Variants in SFXN5 observed in about 807,000 individuals in gnomAD.
SFXN5 encodes the protein sideroflexin-5.
In SFXN5, 43 loss-of-function variants were observed where a neutral mutation model predicts 50.2. That is an observed-to-expected ratio of 0.86 (90% confidence interval 0.67 to 1.11). The LOEUF (loss-of-function observed/expected upper bound fraction) is 1.11, where lower values mean the gene tolerates loss of function less well. Ranked by LOEUF, SFXN5 falls within the 50% of genes least tolerant of loss-of-function variation. The pLI, the probability that SFXN5 is intolerant of heterozygous loss-of-function variation, is 0.00. For synonymous variants in SFXN5, 203 were observed against 185.8 expected, an observed-to-expected ratio of 1.09 and a Z score of -0.75; for missense variants, 463 against 454.1, an observed-to-expected ratio of 1.02 and a Z score of -0.18.
intron 3 of SFXN5, among the ~76,000 whole-genome samples, chr2:73,032,551 G>C (rs965676233): frequency 7.9e-5 from 12 of 152,208 alleles, no homozygotes; most frequent in Admixed American, 6.5e-4. Context: ...CTGAAGTTCG[G>C]TGTAGAGTCC....
chr2:73,036,887 AGAG>A (rs1018318781), intron 3 of SFXN5, among the ~76,000 whole-genome samples: 1 of 152,180 alleles, frequency 6.6e-6, no homozygotes, highest in Non-Finnish European at 1.5e-5. Context: ...TGCTCAGGGA[AGAG>A]GAGATCGCAG....
intron 1 of SFXN5, among the ~76,000 whole-genome samples, chr2:73,069,009 T>G (rs938412815): frequency 2.0e-5 from 3 of 148,550 alleles, no homozygotes; most frequent in African/African-American, 7.5e-5. Context: ...GCCAGTGTGA[T>G]GTGAAGGAGG....
At chr2:73,042,851 A>C (rs1679830190) in intron 2 of SFXN5, among the ~76,000 whole-genome samples, 1 of 151,984 alleles carries the variant, frequency 6.6e-6, no homozygotes, top group Non-Finnish European at 1.5e-5. Flanking sequence ...TTGGGAGGCC[A>C]AGCAGGTGGA....
intron 5 of SFXN5, among the ~76,000 whole-genome samples, chr2:73,022,260 G>A (rs1676990573): frequency 6.6e-6 from 1 of 152,164 alleles, no homozygotes; most frequent in East Asian, 1.9e-4. Flanking sequence ...GGGTGGTGGT[G>A]GGGGCTACCA....
intron 12 of SFXN5, among the ~76,000 whole-genome samples, chr2:72,962,042 C>G (rs902185377): frequency 4.6e-5 from 7 of 152,266 alleles, no homozygotes; most frequent in Non-Finnish European, 1.0e-4. Context: ...GCTCCCCAGA[C>G]AGCGTGGGGA....
chr2:73,009,286 G>A lies in SFXN5; in HGVS notation c.358-7708C>T, dbSNP rs547641618. On this transcript the variant is annotated intron_variant, in intron 6 of 13. Coordinates refer to ENST00000272433, the MANE Select transcript of SFXN5 (RefSeq NM_144579.3). ...TGTTCAGTGCTACCAGGCGACAGCA[G>A]GGCCTTGGAGAAGCTGATGGGGCTG... Among the ~76,000 whole-genome samples the A allele has an allele frequency of 2.6e-5, 4 of 152,380 alleles. No individual in the cohort carries two copies. The South Asian group carries it at 8.3e-4, about 32-fold the overall frequency.
intron 13 of SFXN5, among the ~76,000 whole-genome samples, chr2:72,958,704 G>GC (rs34756994): frequency 0.98 from 149,152 of 152,098 alleles, 73,143 homozygotes; most frequent in East Asian, 1. Context: ...AGAAATACCC[G>GC]CCTTCCCTCT....
At chr2:73,010,290 G>T (rs755945035) in intron 6 of SFXN5, among the ~76,000 whole-genome samples, 1 of 152,138 alleles carries the variant, frequency 6.6e-6, no homozygotes, top group Non-Finnish European at 1.5e-5. Flanking sequence ...TTCCCAAAAG[G>T]CTCCTTAAAG....
chr2:72,972,082 G>A (rs965611948), intron 10 of SFXN5, among the ~76,000 whole-genome samples: 3 of 152,198 alleles, frequency 2.0e-5, no homozygotes, highest in African/African-American at 7.2e-5. Flanking sequence ...CCATCACTGG[G>A]GCCCTTGCGC....
In SFXN5 at chr2:72,971,652, C is replaced by T. The variant is rs775640430; in HGVS notation, c.659G>A (p.Arg220Gln). The T allele has an allele frequency of 8.1e-6, 13 of 1,613,860 alleles. No homozygotes were observed. Among genetic ancestry groups the T allele is most frequent in the African/African-American group, 1.3e-5 (1 of 74,898 alleles). ...AATCCCTTCCTCCAGCTCCCCGTAC[C>T]GCATCAGGACCACATTGCAGATATT... ...SANICNVVLM[R>Q]YGELEEGIDV... The change falls in exon 11 of 14, where the codon CGG becomes CAG. Residue 220 changes from arginine to glutamine, a missense_variant. Physicochemically the swap from Arg to Gln is conservative, Grantham distance 43. Transcript: ENST00000272433.
intron 9 of SFXN5, chr2:72,995,060 C>T (rs534388460): frequency 6.6e-6 from 1 of 152,250 alleles, no homozygotes; most frequent in African/African-American, 2.4e-5. Context: ...TACCACAGAG[C>T]CTTCTAGCTT....
chr2:73,056,223 G>A (rs1682099110), intron 2 of SFXN5, among the ~76,000 whole-genome samples: 2 of 152,048 alleles, frequency 1.3e-5, no homozygotes, highest in African/African-American at 4.8e-5. Context: ...CATATAAAAA[G>A]TCCGTCAAAT....
intron 11 of SFXN5, among the ~76,000 whole-genome samples, chr2:72,970,986 C>A (rs990531176): frequency 6.6e-6 from 1 of 152,160 alleles, no homozygotes; most frequent in East Asian, 1.9e-4. Flanking sequence ...CTGTGACCAG[C>A]CTGTGTTTTC....
intron 3 of SFXN5, among the ~76,000 whole-genome samples, chr2:73,023,647 C>T (rs958710149): frequency 3.9e-5 from 6 of 152,198 alleles, no homozygotes; most frequent in Admixed American, 1.3e-4. Flanking sequence ...CCTGGATTCC[C>T]TGCTGTGCCA....
intron 2 of SFXN5, among the ~76,000 whole-genome samples, chr2:73,047,281 C>CATAT (rs372933316): frequency 1.7e-5 from 1 of 58,518 alleles, no homozygotes; most frequent in Non-Finnish European, 3.2e-5. Context: ...TATATACACA[C>CATAT]ATATATATAT....
At chr2:72,975,543 C>A (rs550173753) in intron 10 of SFXN5, among the ~76,000 whole-genome samples, 2 of 152,286 alleles carry the variant, frequency 1.3e-5, no homozygotes, top group East Asian at 3.9e-4. Flanking sequence ...TTCTACGATG[C>A]ACCTTCCCAT....
intron 1 of SFXN5, among the ~76,000 whole-genome samples, chr2:73,067,208 G>A (rs577200463): frequency 6.6e-6 from 1 of 152,340 alleles, no homozygotes; most frequent in Non-Finnish European, 1.5e-5. Context: ...GGCAACCCAA[G>A]TTGAGGGACA....
chr2:73,027,244 T>C (rs1677692881), intron 3 of SFXN5, among the ~76,000 whole-genome samples: 1 of 152,174 alleles, frequency 6.6e-6, no homozygotes, highest in South Asian at 2.1e-4. Flanking sequence ...CATGTAGGCC[T>C]AGAATGATAT....
At chr2:73,030,639 A>G (rs1678186278) in intron 3 of SFXN5, among the ~76,000 whole-genome samples, 2 of 150,516 alleles carry the variant, frequency 1.3e-5, no homozygotes, top group African/African-American at 5.0e-5. Context: ...ATTAAATGTG[A>G]CCTCCCCATT....
Sources: allele counts gnomAD v4.1 joint callset (sites outside exome capture counted in the v4.1 genomes callset), GRCh38; gene constraint gnomAD v4.1.1; transcripts MANE v1.5; gene names NCBI Gene and HGNC (gene_info 2026-07-23, HGNC 2026-07-21).